The following DOCK8 variants were observed in gnomAD, a reference collection of about 807,000 sequenced individuals.
DOCK8 encodes the protein dedicator of cytokinesis protein 8.
Under a neutral mutation model 245.6 loss-of-function variants are expected in DOCK8, and 141 were observed. The ratio of observed to expected loss-of-function variants is 0.57; its 90% CI spans 0.50 to 0.66. DOCK8 has a LOEUF of 0.66. Among genes scored for constraint, DOCK8 ranks in the 30% least tolerant of loss-of-function variants. The pLI, the probability that DOCK8 is intolerant of heterozygous loss-of-function variation, is 0.00. For synonymous variants in DOCK8, 1,168 were observed against 970.2 expected (o/e 1.20, Z -3.79); for missense variants, 2,965 against 2,603.4 (o/e 1.14, Z -3.02).
chr9:332,482 T>C lies in DOCK8; in HGVS notation c.1125+4T>C. The C allele has an allele frequency of 6.2e-7, 1 of 1,605,782 alleles. No individual in the cohort carries two copies. ...CAAAGAAAGTGATGGTGGAAAGGTATGGTAATTTGAGTGTTGTTAAATGGA... is the reference window on the plus strand; with the variant it reads ...CAAAGAAAGTGATGGTGGAAAGGTACGGTAATTTGAGTGTTGTTAAATGGA... On this transcript the variant is annotated splice_donor_region_variant and intron_variant, in intron 10 of 47. Transcript: ENST00000432829.
intron 6 of DOCK8, among the ~76,000 whole-genome samples, chr9:315,916 G>C (rs540470060): frequency 5.3e-4 from 81 of 152,280 alleles, no homozygotes; most frequent in African/African-American, 1.9e-3. Context: ...AGATATGTCT[G>C]TTCCAATGAT....
chr9:283,921 AAC>A (rs1483007349), intron 2 of DOCK8, among the ~76,000 whole-genome samples: 1 of 152,200 alleles, frequency 6.6e-6, no homozygotes, highest in Admixed American at 6.5e-5. Flanking sequence ...AAAACTCTGA[AAC>A]ACCAATTGAA....
At chr9:422,256 C>A (rs531689974) in intron 33 of DOCK8, 121 bp downstream of exon 33, 5 of 843,452 alleles carry the variant, frequency 5.9e-6, no homozygotes, top group Non-Finnish European at 9.9e-6. Flanking sequence ...ACATCATTAT[C>A]TGTGTAAATA....
intron 46 of DOCK8, chr9:459,972 A>G (rs1216177859): frequency 6.6e-6 from 1 of 152,176 alleles, no homozygotes; most frequent in Non-Finnish European, 1.5e-5. Flanking sequence ...GTCACAAAGA[A>G]CCATCCACCT....
At chr9:309,814 A>G (rs2130666978) in intron 5 of DOCK8, among the ~76,000 whole-genome samples, 1 of 152,348 alleles carries the variant, frequency 6.6e-6, no homozygotes, top group East Asian at 1.9e-4. Flanking sequence ...CTCCTCACAA[A>G]TCATCTTATT....
At chr9:461,256 A>G (rs1468169712) in intron 46 of DOCK8, among the ~76,000 whole-genome samples, 2 of 152,064 alleles carry the variant, frequency 1.3e-5, no homozygotes, top group Admixed American at 6.5e-5. Flanking sequence ...TAGAGGATTT[A>G]TATCTCTCTT....
At chr9:406,746 T>G (rs530920811) in intron 27 of DOCK8, among the ~76,000 whole-genome samples, 184 bp from the exon 28 acceptor site, 1 of 152,262 alleles carries the variant, frequency 6.6e-6, no homozygotes, top group South Asian at 2.1e-4. Context: ...TCTGTGGGTA[T>G]GGGAAAGTGC....
chr9:317,031 G>C lies in DOCK8; in HGVS notation c.742-12G>C. On this transcript the variant is annotated splice_polypyrimidine_tract_variant and intron_variant, in intron 6 of 47. Transcript: ENST00000432829. ...TTCACTAATGATTTCCTTACGATGTGATTAAAAATAGGAGGATGCTGTGGA... is the reference window on the plus strand; with the variant it reads ...TTCACTAATGATTTCCTTACGATGTCATTAAAAATAGGAGGATGCTGTGGA... 1 of 1,605,492 alleles carries C rather than the reference G, an allele frequency of 6.2e-7. No homozygotes were observed. Among genetic ancestry groups the C allele is most frequent in the Non-Finnish European group, 8.5e-7 (1 of 1,172,160 alleles).
chr9:343,384 C>G (rs2051707882), intron 14 of DOCK8, among the ~76,000 whole-genome samples: 1 of 151,954 alleles, frequency 6.6e-6, no homozygotes, highest in African/African-American at 2.4e-5. Context: ...GTAGTTCTAG[C>G]TACCCAGAAG....
At chr9:322,952 G>T (rs1233476494) in intron 7 of DOCK8, among the ~76,000 whole-genome samples, 1 of 151,944 alleles carries the variant, frequency 6.6e-6, no homozygotes, top group Admixed American at 6.6e-5. Flanking sequence ...AATTAGCTGG[G>T]TGTGGTGGCA....
intron 18 of DOCK8, among the ~76,000 whole-genome samples, chr9:374,522 CGT>C (rs889888360): frequency 8.0e-6 from 1 of 124,832 alleles, no homozygotes; most frequent in African/African-American, 3.0e-5. Context: ...AGTGCAGTGG[CGT>C]GATCACAGCT....
At chr9:458,282 C>G (rs767976343) in intron 46 of DOCK8, 5 of 152,082 alleles carry the variant, frequency 3.3e-5, no homozygotes, top group Non-Finnish European at 7.3e-5. Flanking sequence ...ATGACCACAT[C>G]TAGGCAAGTC....
chr9:249,946 C>G (rs1358271474), intron 1 of DOCK8, among the ~76,000 whole-genome samples: 2 of 152,086 alleles, frequency 1.3e-5, no homozygotes, highest in East Asian at 3.8e-4. Flanking sequence ...ATTACTCTTA[C>G]AGCATCTGGA....
At chr9:216,306 G>A (rs1436250435) in intron 1 of DOCK8, among the ~76,000 whole-genome samples, 1 of 152,098 alleles carries the variant, frequency 6.6e-6, no homozygotes, top group Admixed American at 6.5e-5. Flanking sequence ...CAGATGGGAG[G>A]ATTACTTGAG....
chr9:231,695 T>A (rs2047121338), intron 1 of DOCK8, among the ~76,000 whole-genome samples: 1 of 152,196 alleles, frequency 6.6e-6, no homozygotes, highest in Non-Finnish European at 1.5e-5. Flanking sequence ...TTTGGCTCTC[T>A]GTTTGTCTGT....
chr9:394,874 A>G (rs994646361), intron 24 of DOCK8, among the ~76,000 whole-genome samples: 2 of 152,360 alleles, frequency 1.3e-5, no homozygotes, highest in Admixed American at 6.5e-5. Context: ...AGCTGCTGAC[A>G]GTCTGGAAAG....
chr9:264,518 C>A (rs1448059166), intron 1 of DOCK8, among the ~76,000 whole-genome samples: 1 of 152,078 alleles, frequency 6.6e-6, no homozygotes, highest in Non-Finnish European at 1.5e-5. Context: ...ATATGAGAAA[C>A]GATAAAACCT....
Position 396,857 on chromosome 9 carries a change from C to A in DOCK8, c.3043C>A (p.Arg1015Ser). 6.2e-7 allele frequency: 1 copy of A among 1,614,020 alleles called. No homozygotes were observed. Among genetic ancestry groups the A allele is most frequent in the Non-Finnish European group, 8.5e-7 (1 of 1,180,000 alleles). ...TTTTCGGAGGACTCGTTTTTCTGAC[C>A]GTTTCATGGATGACATAACTACTAT... ...DSFRRTRFSD[R>S]FMDDITTIVN... The change falls in exon 25 of 48, where the codon CGT (arginine) becomes AGT (serine). Residue 1015 changes from arginine to serine, a missense_variant. Arg to Ser is a moderately radical substitution (Grantham distance 110). This residue lies in a region of DOCK8 where 2,825 missense variants were observed against 2,453.5 expected (regional missense o/e 1.15). Coordinates refer to ENST00000432829, the MANE Select transcript of DOCK8 (RefSeq NM_203447.4).
intron 1 of DOCK8, among the ~76,000 whole-genome samples, chr9:255,259 CTT>C (rs1256893501): frequency 3.9e-5 from 6 of 152,260 alleles, no homozygotes; most frequent in East Asian, 1.9e-4. Context: ...TCCTGAGACT[CTT>C]TTGACTGTTT....
Sources: allele counts gnomAD v4.1 joint callset (sites outside exome capture counted in the v4.1 genomes callset), GRCh38; gene constraint gnomAD v4.1.1; regional missense constraint gnomAD v4.1.1; transcripts MANE v1.5; gene names NCBI Gene and HGNC (gene_info 2026-07-23, HGNC 2026-07-21).